The following GYS2 variants were observed in gnomAD, a reference collection of about 807,000 sequenced individuals.
GYS2 encodes glycogen synthase 2, also known as glycogen [starch] synthase, liver.
GYS2 carries 80 observed loss-of-function variants against 85.6 expected under a neutral mutation model. The observed-to-expected ratio is 0.93, with a 90% CI of 0.78 to 1.13. The LOEUF (loss-of-function observed/expected upper bound fraction) is 1.13. Among genes scored for constraint, GYS2 ranks in the 50% most tolerant of loss-of-function variants. GYS2 has a pLI of 0.00. For synonymous variants in GYS2, 328 were observed against 300.7 expected (o/e 1.09, Z -0.94); for missense variants, 881 against 854.9 (o/e 1.03, Z -0.38).
At chr12:21,587,328 A>T (rs1944585532) in intron 1 of GYS2, among the ~76,000 whole-genome samples, 1 of 152,176 alleles carries the variant, frequency 6.6e-6, no homozygotes, top group Non-Finnish European at 1.5e-5. Context: ...TTGTACCCTG[A>T]TACAGCTTGA....
chr12:21,581,603 A>G (rs1305208319), intron 1 of GYS2, among the ~76,000 whole-genome samples: 2 of 152,218 alleles, frequency 1.3e-5, no homozygotes, highest in African/African-American at 4.8e-5. Flanking sequence ...CTGCTACACT[A>G]GAATCGTTCC....
rs555400610 is a variant in GYS2 at position 21,594,692 on chromosome 12, A to G, written c.121+9780T>C. 8.5e-5 allele frequency among the ~76,000 whole-genome samples: 13 copies of G among 152,316 alleles called. No homozygotes were observed. The South Asian group carries it at 2.5e-3, about 29-fold the overall frequency. ...CTACCCAAAGCAATCTACAGATTCT[A>G]TATGACCGCTATCAAAATAGCAATG... On this transcript the variant is annotated intron_variant, in intron 1 of 15. Transcript: ENST00000261195.
intron 1 of GYS2, among the ~76,000 whole-genome samples, chr12:21,598,443 T>A (rs1374033086): frequency 6.6e-6 from 1 of 152,132 alleles, no homozygotes; most frequent in East Asian, 1.9e-4. Context: ...CTTCTTTTAC[T>A]GCTATTTCTT....
chr12:21,542,110 C>T (rs1462491870), intron 13 of GYS2, among the ~76,000 whole-genome samples: 2 of 151,914 alleles, frequency 1.3e-5, no homozygotes, highest in Non-Finnish European at 2.9e-5. Context: ...TGCAGTGGCA[C>T]GATCTCAGCT....
rs772703582 is a variant in GYS2, at chr12:21,563,056, C to G, written c.942-18G>C. On this transcript the variant is annotated intron_variant, in intron 6 of 15. Coordinates refer to ENST00000261195, the MANE Select transcript of GYS2 (RefSeq NM_021957.4). Reference sequence around the variant, plus strand: ...CGAGATGACTAAAACAAAACAAAACCAAACAGTTTCAAATGAAATACAGCA... The same window carrying G: ...CGAGATGACTAAAACAAAACAAAACGAAACAGTTTCAAATGAAATACAGCA... 1 of 1,561,148 alleles carries G rather than the reference C, an allele frequency of 6.4e-7. No homozygotes were observed. The highest frequency in any genetic ancestry group is 1.4e-5 in the African/African-American group (1 of 74,048).
intron 5 of GYS2, among the ~76,000 whole-genome samples, chr12:21,563,619 T>C (rs1055105844): frequency 3.3e-5 from 5 of 152,182 alleles, no homozygotes; most frequent in Non-Finnish European, 7.4e-5. Flanking sequence ...TCAATAACAA[T>C]AATAATGGTT....
At chr12:21,573,523 G>A (rs1944409179) in intron 4 of GYS2, among the ~76,000 whole-genome samples, 1 of 152,108 alleles carries the variant, frequency 6.6e-6, no homozygotes, top group South Asian at 2.1e-4. Context: ...ACTTTGGCAG[G>A]TCATAGACTC....
At chr12:21,561,596 T>C (rs970262534) in intron 7 of GYS2, among the ~76,000 whole-genome samples, 1 of 152,188 alleles carries the variant, frequency 6.6e-6, no homozygotes, top group African/African-American at 2.4e-5. Flanking sequence ...TAGTAATCAG[T>C]CTTTTCTTCA....
chr12:21,555,637 C>T (rs190407877), intron 11 of GYS2, among the ~76,000 whole-genome samples: 2 of 152,276 alleles, frequency 1.3e-5, no homozygotes, highest in African/African-American at 4.8e-5. Context: ...ATCATCACAT[C>T]CAGACAATGA....
chr12:21,557,358 T>G (rs1488914354), intron 11 of GYS2, among the ~76,000 whole-genome samples: 1 of 152,164 alleles, frequency 6.6e-6, no homozygotes, highest in African/African-American at 2.4e-5. Flanking sequence ...AGAAACCAGC[T>G]CTTATTCATA....
intron 11 of GYS2, among the ~76,000 whole-genome samples, chr12:21,547,587 G>A (rs1008394578): frequency 2.0e-5 from 3 of 152,188 alleles, no homozygotes; most frequent in African/African-American, 7.2e-5. Context: ...TGGAACCAGT[G>A]AAAAGATCTG....
intron 1 of GYS2, among the ~76,000 whole-genome samples, chr12:21,581,693 A>T (rs1944511712): frequency 6.6e-6 from 1 of 152,202 alleles, no homozygotes; most frequent in South Asian, 2.1e-4. Flanking sequence ...GAAAATATGC[A>T]CACTTTGGAT....
At chr12:21,549,221 G>C (rs529089714) in intron 11 of GYS2, among the ~76,000 whole-genome samples, 1 of 152,114 alleles carries the variant, frequency 6.6e-6, no homozygotes, top group Non-Finnish European at 1.5e-5. Context: ...TTATCACTGA[G>C]CTATTATTAG....
chr12:21,572,506 C>T (rs1326644605), intron 4 of GYS2, among the ~76,000 whole-genome samples: 1 of 152,126 alleles, frequency 6.6e-6, no homozygotes. Flanking sequence ...ATGGGGGCTT[C>T]TGCTGTGTAA....
At chr12:21,603,743 T>C (rs1944778292) in intron 1 of GYS2, among the ~76,000 whole-genome samples, 1 of 152,112 alleles carries the variant, frequency 6.6e-6, no homozygotes, top group African/African-American at 2.4e-5. Context: ...ACTTTTAAAC[T>C]AGAGAGTATA....
chr12:21,557,848 G>A (rs955447559), intron 11 of GYS2, among the ~76,000 whole-genome samples: 2 of 152,106 alleles, frequency 1.3e-5, no homozygotes, highest in East Asian at 1.9e-4. Context: ...GCAGTGAGCC[G>A]AGATAGCGCC....
intron 11 of GYS2, among the ~76,000 whole-genome samples, chr12:21,548,251 T>A (rs1415129278): frequency 6.6e-6 from 1 of 152,196 alleles, no homozygotes; most frequent in South Asian, 2.1e-4. Context: ...AGGTTACAGA[T>A]CCAGAAATCA....
At chr12:21,587,529 G>C (rs562627551) in intron 1 of GYS2, among the ~76,000 whole-genome samples, 1 of 152,084 alleles carries the variant, frequency 6.6e-6, no homozygotes, top group South Asian at 2.1e-4. Flanking sequence ...ACTTCTACTT[G>C]CTGCTGCCAT....
At chr12:21,558,832 AT>A (rs971390961) in intron 10 of GYS2, among the ~76,000 whole-genome samples, 1 of 152,178 alleles carries the variant, frequency 6.6e-6, no homozygotes, top group African/African-American at 2.4e-5. Flanking sequence ...ACTATACATA[AT>A]TTTTATATTG....
Sources: gnomAD v4.1 joint callset for allele counts (sites outside exome capture counted in the v4.1 genomes callset) on GRCh38, gnomAD v4.1.1 for gene constraint, MANE v1.5 for transcripts, NCBI Gene and HGNC (gene_info 2026-07-23, HGNC 2026-07-21) for gene names.